Variants in GLI2 observed in about 807,000 individuals in gnomAD.
GLI2 encodes transcription activator GLI2.
In GLI2, 22 loss-of-function variants were observed where a neutral mutation model predicts 78.9. The ratio of observed to expected loss-of-function variants is 0.28; its 90% confidence interval spans 0.20 to 0.40. The LOEUF (loss-of-function observed/expected upper bound fraction) is 0.40. Among genes scored for constraint, GLI2 ranks in the 10% least tolerant of loss-of-function variants. The pLI is 1.00. For missense variants in GLI2, 2,097 were observed against 2,213.2 expected, an observed-to-expected ratio of 0.95 and a Z score of 1.05; for synonymous variants, 974 against 963.7, an observed-to-expected ratio of 1.01 and a Z score of -0.20.
intron 2 of GLI2, among the ~76,000 whole-genome samples, chr2:120,915,705 C>A (rs1242428571): frequency 1.3e-5 from 2 of 152,178 alleles, no homozygotes; most frequent in Non-Finnish European, 2.9e-5. Context: ...GTGTCAGGAT[C>A]TCAGAACAGA....
chr2:120,855,231 G>A lies in GLI2; in HGVS notation c.148+57763G>A, dbSNP rs182586219. ...CAGCTCCTATGAGAAAATGGTCCCTGGGAGGTCCCAGAGGGCTTTCCGGCT... is the reference window on the plus strand; with the variant it reads ...CAGCTCCTATGAGAAAATGGTCCCTAGGAGGTCCCAGAGGGCTTTCCGGCT... On this transcript the variant is annotated intron_variant, in intron 2 of 13. Coordinates refer to ENST00000361492, the MANE Select transcript of GLI2 (RefSeq NM_001374353.1). Among the ~76,000 whole-genome samples, 332 of 152,332 alleles carry A rather than the reference G, an allele frequency of 2.2e-3. 2 individuals are homozygous for A. The highest frequency in any genetic ancestry group is 7.6e-3 in the African/African-American group (318 of 41,582).
chr2:120,902,497 T>TC (rs1312075382), intron 2 of GLI2, among the ~76,000 whole-genome samples: 1 of 152,086 alleles, frequency 6.6e-6, no homozygotes, highest in Non-Finnish European at 1.5e-5. Context: ...CCAGCCAGAT[T>TC]CCCCAGAGTG....
chr2:120,810,522 C>T (rs1421711812), intron 2 of GLI2, among the ~76,000 whole-genome samples: 2 of 152,136 alleles, frequency 1.3e-5, no homozygotes, highest in African/African-American at 2.4e-5. Context: ...GGAGGCCCAG[C>T]CAACAGCCTC....
intron 1 of GLI2, among the ~76,000 whole-genome samples, chr2:120,778,606 A>G (rs779682530): frequency 2.3e-4 from 35 of 152,066 alleles, no homozygotes; most frequent in Non-Finnish European, 4.0e-4. Flanking sequence ...GTGGGGTGAG[A>G]CGGGGTGAAG....
intron 2 of GLI2, among the ~76,000 whole-genome samples, chr2:120,914,323 G>A (rs1678984455): frequency 6.6e-6 from 1 of 152,206 alleles, no homozygotes; most frequent in Non-Finnish European, 1.5e-5. Context: ...GGAGCACTAG[G>A]GCCTGGGCAC....
At chr2:120,937,313 C>A (rs1248779615) in intron 3 of GLI2, among the ~76,000 whole-genome samples, 12 of 152,082 alleles carry the variant, frequency 7.9e-5, no homozygotes. Context: ...GATTTTGTAG[C>A]AGTGAAGTCA....
chr2:120,797,521 C>T lies in GLI2; in HGVS notation c.148+53C>T, dbSNP rs1048447583. 5.9e-5 allele frequency: 92 copies of T among 1,555,276 alleles called. 1 individual carries two copies. In the African/African-American group the frequency reaches 9.7e-4, roughly 16 times the overall value. Reference sequence around the variant, plus strand: ...GCAGCAGGGGTGTTTTTCATTAGCCCGTTAGGATTTAATTAGAGTGGTGGC... The same window carrying T: ...GCAGCAGGGGTGTTTTTCATTAGCCTGTTAGGATTTAATTAGAGTGGTGGC... On this transcript the variant is annotated intron_variant, in intron 2 of 13. Coordinates refer to ENST00000361492, the MANE Select transcript of GLI2 (RefSeq NM_001374353.1).
In GLI2 at chr2:120,820,450, T is replaced by G. The variant is rs1038926892; in HGVS notation, c.148+22982T>G. On this transcript the variant is annotated intron_variant, in intron 2 of 13. Coordinates refer to ENST00000361492, the MANE Select transcript of GLI2 (RefSeq NM_001374353.1). ...GTTCCCCCCTCTCCAGGCAGTAACG[T>G]CAGAGGCTGATGCTGGCGGCAAAGA... 3.3e-5 allele frequency among the ~76,000 whole-genome samples: 5 copies of G among 151,694 alleles called. No homozygotes were observed. The East Asian group carries it at 9.7e-4, about 29-fold the overall frequency.
At position 120,800,840 on chromosome 2, in the gene GLI2, G is replaced by A. The variant is rs146362986; in HGVS notation, c.148+3372G>A. 4.8e-3 allele frequency among the ~76,000 whole-genome samples: 738 copies of A among 152,272 alleles called. 7 individuals carry two copies. Among genetic ancestry groups the A allele is most frequent in the African/African-American group, 0.017 (707 of 41,558 alleles). ...GACTTATACGAGCTTAGTGTTTCCT[G>A]ACTTATTACACATCAGAGAAGGTGT... On this transcript the variant is annotated intron_variant, in intron 2 of 13. Transcript: ENST00000361492. This position sits in a 1 kb window ranked among gnomAD's most constrained non-coding sequence, Gnocchi z 4.1.
chr2:120,796,013 C>T (rs921297678), intron 1 of GLI2, among the ~76,000 whole-genome samples: 1 of 152,326 alleles, frequency 6.6e-6, no homozygotes, highest in African/African-American at 2.4e-5. Flanking sequence ...CATTGCACTC[C>T]AGCCTGGGCA....
chr2:120,809,965 G>A (rs1030840976), intron 2 of GLI2, among the ~76,000 whole-genome samples: 14 of 152,226 alleles, frequency 9.2e-5, no homozygotes, highest in African/African-American at 3.4e-4. Flanking sequence ...GGTGGGGGCT[G>A]CGGTCAGGCA....
At chr2:120,763,413 A>G (rs931227342) in intron 1 of GLI2, among the ~76,000 whole-genome samples, 12 of 152,246 alleles carry the variant, frequency 7.9e-5, no homozygotes, top group Admixed American at 5.2e-4. Context: ...TGGCAGGGCC[A>G]CTAGGCAGAG....
intron 3 of GLI2, among the ~76,000 whole-genome samples, chr2:120,936,546 T>C (rs1380405610): frequency 6.6e-6 from 1 of 152,166 alleles, no homozygotes; most frequent in Non-Finnish European, 1.5e-5. Context: ...GCCAGAGCTC[T>C]TCCCTATGCC....
At chr2:120,776,489 C>T (rs1479713425) in intron 1 of GLI2, among the ~76,000 whole-genome samples, 1 of 152,150 alleles carries the variant, frequency 6.6e-6, no homozygotes, top group Non-Finnish European at 1.5e-5. Context: ...GACTTCTAGC[C>T]CTCCCTCTGC....
At chr2:120,828,501 GAA>G (rs1686195868) in intron 2 of GLI2, among the ~76,000 whole-genome samples, 1 of 152,196 alleles carries the variant, frequency 6.6e-6, no homozygotes, top group Non-Finnish European at 1.5e-5. Flanking sequence ...GTTATTTTGG[GAA>G]GTAGCAATTA....
chr2:120,933,499 G>C (rs886292280), intron 3 of GLI2, among the ~76,000 whole-genome samples: 1 of 152,184 alleles, frequency 6.6e-6, no homozygotes, highest in Non-Finnish European at 1.5e-5. Flanking sequence ...AGGGCGAGAA[G>C]AGAAGGCCGG....
At chr2:120,817,466 C>T (rs1317248937) in intron 2 of GLI2, among the ~76,000 whole-genome samples, 6 of 152,170 alleles carry the variant, frequency 3.9e-5, no homozygotes, top group Admixed American at 6.5e-5. Flanking sequence ...TGTGGACCAT[C>T]GGGGGATCTC....
intron 2 of GLI2, among the ~76,000 whole-genome samples, chr2:120,907,894 G>A (rs779320279): frequency 2.6e-5 from 4 of 152,216 alleles, no homozygotes; most frequent in African/African-American, 7.2e-5. Flanking sequence ...GCTTCCCACC[G>A]GACTGCTGGG....
In GLI2 at chr2:120,795,632, C is replaced by T. The variant is rs996430201; in HGVS notation, c.-30-1659C>T. 2.6e-5 allele frequency among the ~76,000 whole-genome samples: 4 copies of T among 151,848 alleles called. No homozygotes were observed. In the East Asian group the frequency reaches 7.8e-4, roughly 30 times the overall value. ...GAGTGGAGCTGACCACTGGTGTCTG[C>T]ACACTGCGACCCCCGTCCCCACACT... On this transcript the variant is annotated intron_variant, in intron 1 of 13. Transcript: ENST00000361492.
Sources: allele counts gnomAD v4.1 joint callset (sites outside exome capture counted in the v4.1 genomes callset), GRCh38; gene constraint gnomAD v4.1.1; non-coding constraint Gnocchi (gnomAD v3.1); transcripts MANE v1.5; gene names NCBI Gene and HGNC (gene_info 2026-07-23, HGNC 2026-07-21).